Variants in PARD3B observed in about 807,000 individuals in gnomAD.
PARD3B encodes par-3 family cell polarity regulator beta, also known as partitioning defective 3 homolog B.
PARD3B carries 103 observed loss-of-function variants against 130.2 expected under a neutral mutation model. That is an observed-to-expected ratio of 0.79 (90% CI 0.67 to 0.93). PARD3B has a LOEUF of 0.93. PARD3B is among the 40% of genes least tolerant of loss of function. PARD3B has a pLI of 0.00. For missense variants in PARD3B, 1,609 were observed against 1,499.2 expected, an observed-to-expected ratio of 1.07 and a Z score of -1.21; for synonymous variants, 583 against 553.2, an observed-to-expected ratio of 1.05 and a Z score of -0.76.
intron 18 of PARD3B, among the ~76,000 whole-genome samples, chr2:205,331,430 A>G (rs1357299629): frequency 6.6e-6 from 1 of 151,968 alleles, no homozygotes; most frequent in Non-Finnish European, 1.5e-5. Flanking sequence ...CATCTGGGCT[A>G]GGGTGGAGGT....
intron 15 of PARD3B, among the ~76,000 whole-genome samples, chr2:205,196,473 C>G (rs2036688007): frequency 6.6e-6 from 1 of 151,778 alleles, no homozygotes; most frequent in South Asian, 2.1e-4. Flanking sequence ...TTTTTGCAAC[C>G]CATTATTTGT....
chr2:205,450,257 G>C (rs901294881), intron 20 of PARD3B, among the ~76,000 whole-genome samples: 5 of 152,026 alleles, frequency 3.3e-5, no homozygotes, highest in Admixed American at 6.6e-5. Flanking sequence ...GAAGGTTATT[G>C]ATTGTATCTA....
At chr2:205,062,216 A>G (rs1485276670) in intron 4 of PARD3B, among the ~76,000 whole-genome samples, 1 of 152,022 alleles carries the variant, frequency 6.6e-6, no homozygotes, top group African/African-American at 2.4e-5. Flanking sequence ...TAAATATTTT[A>G]TGTAATATTT....
Position 205,470,549 on chromosome 2 carries a change from G to A in PARD3B, c.3045-29347G>A, listed in dbSNP as rs187835651. Among the ~76,000 whole-genome samples, 53 of 152,268 alleles carry A rather than the reference G, an allele frequency of 3.5e-4. No individual in the cohort carries two copies. In the East Asian group the frequency reaches 8.5e-3, roughly 24 times the overall value. ...CATCAGATCTCTTTTGTCCATTCAG[G>A]TTGTCCTGTCTAGATAATGAGAATT... On this transcript the variant is annotated intron_variant, in intron 20 of 22. Transcript: ENST00000406610. This position sits in a 1 kb window ranked among gnomAD's most constrained non-coding sequence, Gnocchi z 4.8.
intron 10 of PARD3B, among the ~76,000 whole-genome samples, chr2:205,131,880 G>A (rs2032033807): frequency 6.6e-6 from 1 of 152,282 alleles, no homozygotes; most frequent in East Asian, 1.9e-4. Flanking sequence ...AGAGCTTATT[G>A]TAATTCACTA....
chr2:204,938,351 C>T (rs1417355748), intron 2 of PARD3B, among the ~76,000 whole-genome samples: 2 of 152,182 alleles, frequency 1.3e-5, no homozygotes, highest in Non-Finnish European at 2.9e-5. Flanking sequence ...CAAGCCAAAG[C>T]CTTTGTAAGC....
At chr2:205,593,411 G>T (rs1319675603) in intron 22 of PARD3B, among the ~76,000 whole-genome samples, 2 of 152,108 alleles carry the variant, frequency 1.3e-5, no homozygotes, top group African/African-American at 4.8e-5. Context: ...ATTACAAATG[G>T]CTCTAAGACT....
chr2:205,145,950 C>G (rs925007559), intron 10 of PARD3B, among the ~76,000 whole-genome samples: 1 of 152,078 alleles, frequency 6.6e-6, no homozygotes, highest in African/African-American at 2.4e-5. Context: ...TTAGAGGGAG[C>G]CAGTTTGGTT....
rs755048594 is a variant in PARD3B at position 205,440,665 on chromosome 2, G to A, written c.3037G>A (p.Ala1013Thr). Residue 1013 changes from alanine (A) to threonine (T), a missense_variant, in exon 20 of 23, where the codon GCT becomes ACT. Physicochemically the swap from Ala to Thr is moderately conservative, Grantham distance 58. Coordinates refer to ENST00000406610, the MANE Select transcript of PARD3B (RefSeq NM_001302769.2). The surrounding 1 kb of genome is among the most constrained non-coding windows in gnomAD (Gnocchi z 4.2). ...VNKPYHPLVP[A>T]DSGRPTGGST... The stretch of plus-strand genomic sequence containing the variant: ...CAAGCCATACCATCCACTGGTTCCA[G>A]CTGACAGGTAATAAACTTAGTGAAA... 1 of 1,611,712 alleles carries A rather than the reference G, an allele frequency of 6.2e-7. No individual in the cohort carries two copies. The highest frequency in any genetic ancestry group is 8.5e-7 in the Non-Finnish European group (1 of 1,177,950).
chr2:205,418,095 A>G, intron 19 of PARD3B, among the ~76,000 whole-genome samples: 1 of 152,080 alleles, frequency 6.6e-6, no homozygotes, highest in East Asian at 1.9e-4. Flanking sequence ...TCAGGCCTAA[A>G]AGCTTATAAG....
In PARD3B at chr2:205,128,714, T is replaced by A. The variant is rs2031700713; in HGVS notation, c.1434+2977T>A. ...ATACATGACCATTTCTGTAGTAGTG[T>A]AAACACAATTCTATACTCTAGATAT... On this transcript the variant is annotated intron_variant, in intron 10 of 22. Transcript: ENST00000406610. The surrounding 1 kb of genome is among the most constrained non-coding windows in gnomAD (Gnocchi z 4.5). Among the ~76,000 whole-genome samples, 1 of 152,236 alleles carries A rather than the reference T, an allele frequency of 6.6e-6. No individual in the cohort carries two copies. Among genetic ancestry groups the A allele is most frequent in the Admixed American group, 6.5e-5 (1 of 15,290 alleles).
intron 4 of PARD3B, among the ~76,000 whole-genome samples, chr2:205,062,072 C>G (rs919090258): frequency 3.9e-5 from 6 of 152,038 alleles, no homozygotes; most frequent in African/African-American, 1.2e-4. Context: ...CTGCCTTTAT[C>G]TTGACTCACC....
chr2:205,577,767 T>C (rs931700850), intron 22 of PARD3B, among the ~76,000 whole-genome samples: 2 of 152,190 alleles, frequency 1.3e-5, no homozygotes, highest in African/African-American at 4.8e-5. Flanking sequence ...AGTGTTCAAG[T>C]CTCCCTGCTC....
rs879313117 is a variant in PARD3B, at chr2:205,253,580, A to G, written c.2185+7758A>G. 1 of 433,280 alleles carries G rather than the reference A, an allele frequency of 2.3e-6. No homozygotes were observed. Among genetic ancestry groups the G allele is most frequent in the African/African-American group, 2.0e-5 (1 of 49,280 alleles). 26.8% of individuals were successfully genotyped at this position (433,280 alleles called of 1,614,324 possible). On this transcript the variant is annotated intron_variant, in intron 16 of 22. Transcript: ENST00000406610. The surrounding 1 kb of genome is among the most constrained non-coding windows in gnomAD (Gnocchi z 4.4). ...TCCCCTGCCTCCTCTGCCTCTTCAG[A>G]GCCCAGCAGAAAGACAGAGAAAGAA...
rs1413741545 is a variant in PARD3B at position 204,575,656 on chromosome 2, GC to G, written c.120+29538del. Among the ~76,000 whole-genome samples the G allele has an allele frequency of 2.0e-5, 3 of 152,202 alleles. No homozygotes were observed. In the East Asian group the frequency reaches 5.8e-4, roughly 29 times the overall value. On this transcript the variant is annotated intron_variant, in intron 1 of 22. Transcript: ENST00000406610. The stretch of plus-strand genomic sequence containing the variant: ...CAGGCCCCTGCCTGTTCTCCTCCTG[GC>G]TCTCTCTGGCTGTGGGGCTCACCAG...
chr2:204,863,933 A>G (rs16836683), intron 2 of PARD3B, among the ~76,000 whole-genome samples: 4,273 of 152,246 alleles, frequency 0.028, 210 homozygotes, highest in African/African-American at 0.097. Context: ...GGGCTTTATG[A>G]TTGCAAACTT....
chr2:205,121,958 T>C lies in PARD3B; in HGVS notation c.1165+9T>C, dbSNP rs2030791461. The C allele has an allele frequency of 6.3e-7, 1 of 1,581,142 alleles. No homozygotes were observed. The highest frequency in any genetic ancestry group is 1.7e-5 in the Admixed American group (1 of 58,694). On this transcript the variant is annotated intron_variant, in intron 8 of 22. Transcript: ENST00000406610. This position sits in a 1 kb window ranked among gnomAD's most constrained non-coding sequence, Gnocchi z 5.0. ...GATTGACCTAAAGAAAGGTAATTAT[T>C]AAATTATGCCTAATAGCATTCTATT...
At chr2:205,607,189 C>G (rs1311407923) in intron 22 of PARD3B, among the ~76,000 whole-genome samples, 1 of 152,006 alleles carries the variant, frequency 6.6e-6, no homozygotes, top group African/African-American at 2.4e-5. Context: ...TCTGCAAGCA[C>G]CATCAGCAGT....
At chr2:205,166,700 T>G (rs1553629739) in intron 11 of PARD3B, among the ~76,000 whole-genome samples, 1 of 152,152 alleles carries the variant, frequency 6.6e-6, no homozygotes. Context: ...TAGACAGATG[T>G]TGTCATAGAG....
Sources: allele counts gnomAD v4.1 joint callset (sites outside exome capture counted in the v4.1 genomes callset), GRCh38; gene constraint gnomAD v4.1.1; non-coding constraint Gnocchi (gnomAD v3.1); transcripts MANE v1.5; gene names NCBI Gene and HGNC (gene_info 2026-07-23, HGNC 2026-07-21).